The following ANOS1 variants were observed in gnomAD, a reference collection of about 807,000 sequenced individuals.
ANOS1 encodes the protein anosmin-1.
Under a neutral mutation model 59.0 loss-of-function variants are expected in ANOS1, and 6 were observed. The ratio of observed to expected loss-of-function variants is 0.10; its 90% CI spans 0.06 to 0.20. The LOEUF (loss-of-function observed/expected upper bound fraction) is 0.20, where lower values mean the gene tolerates loss of function less well. Ranked by LOEUF, ANOS1 falls within the 10% of genes least tolerant of loss-of-function variation. The pLI, the probability that ANOS1 is intolerant of heterozygous loss-of-function variation, is 1.00. For synonymous variants in ANOS1, 217 were observed against 223.4 expected (o/e 0.97, Z 0.25); for missense variants, 433 against 542.3 (o/e 0.80, Z 2.00).
At chrX:8,631,767 G>A (rs1031441192) in intron 2 of ANOS1, among the ~76,000 whole-genome samples, 1 of 111,525 alleles carries the variant, frequency 9.0e-6, no homozygotes, top group African/African-American at 3.3e-5. Flanking sequence ...TTTTAGAGAG[G>A]CAACGTATCA....
At chrX:8,699,877 C>G (rs890064774) in intron 1 of ANOS1, 132 bp from the exon 2 acceptor site, 4 of 411,719 alleles carry the variant, frequency 9.7e-6, no homozygotes, top group Non-Finnish European at 1.7e-5. Flanking sequence ...TCTTGCAAAA[C>G]CTGCTGTCCT....
In ANOS1 at chrX:8,544,255, T is replaced by G. The variant is rs367731619; in HGVS notation, c.1355-4497A>C. Among the ~76,000 whole-genome samples, 274 of 103,558 alleles carry G rather than the reference T, an allele frequency of 2.6e-3. 1 individual carries two copies. The highest frequency in any genetic ancestry group is 9.4e-3 in the African/African-American group (256 of 27,185). The allele number at this position is 103,558 out of a possible 115,157, so 89.9% of individuals were successfully genotyped here. On this transcript the variant is annotated intron_variant, in intron 9 of 13. Transcript: ENST00000262648. ...TCCTTGGGTTCTCCAGAATAATAAT[T>G]GCTTTAAAAAGAATTGTAAGTCACA...
chrX:8,698,685 A>C (rs1426501531), intron 2 of ANOS1, among the ~76,000 whole-genome samples: 1 of 111,798 alleles, frequency 8.9e-6, no homozygotes, highest in East Asian at 2.8e-4. Context: ...GTCAGAGATA[A>C]GCAAAGCTTA....
chrX:8,720,817 T>A (rs1173907544), intron 1 of ANOS1, among the ~76,000 whole-genome samples: 2 of 111,661 alleles, frequency 1.8e-5, no homozygotes, highest in Non-Finnish European at 3.8e-5. Context: ...TAGTCCCAGT[T>A]ACTCAGGAGG....
In ANOS1 at chrX:8,659,040, A is replaced by G. The variant is rs112083111; in HGVS notation, c.256-35370T>C. 9.0e-4 allele frequency among the ~76,000 whole-genome samples: 101 copies of G among 111,620 alleles called. 1 individual carries two copies. Among genetic ancestry groups the G allele is most frequent in the African/African-American group, 3.2e-3 (98 of 30,724 alleles). On this transcript the variant is annotated intron_variant, in intron 2 of 13. Transcript: ENST00000262648. ...GGAGTTTGAGACCAGTCTGGCCAAC[A>G]TAGTGAAACACTGTCTCTACTAAAA...
chrX:8,609,626 A>G (rs1271432130), intron 3 of ANOS1, among the ~76,000 whole-genome samples: 1 of 111,209 alleles, frequency 9.0e-6, no homozygotes, highest in African/African-American at 3.3e-5. Flanking sequence ...AATAACAGTA[A>G]TTTTGCCAGA....
intron 3 of ANOS1, among the ~76,000 whole-genome samples, chrX:8,612,326 G>A (rs934180923): frequency 1.8e-5 from 2 of 111,298 alleles, no homozygotes; most frequent in East Asian, 5.6e-4. Context: ...AACACAAAAT[G>A]TGGGTTTTAG....
rs757532758 is a variant in ANOS1, at chrX:8,682,354, C to CCACACACACACACACACACACACACA, written c.255+17343_255+17344insTGTGTGTGTGTGTGTGTGTGTGTGTG. Among the ~76,000 whole-genome samples, 511 of 101,597 alleles carry CCACACACACACACACACACACACACA rather than the reference C, an allele frequency of 5.0e-3. 5 individuals are homozygous for CCACACACACACACACACACACACACA. Among genetic ancestry groups the CCACACACACACACACACACACACACA allele is most frequent in the African/African-American group, 0.018 (493 of 27,291 alleles). 88.2% of individuals were successfully genotyped at this position (101,597 alleles called of 115,157 possible). A position where few individuals can be genotyped will look rare whatever the true frequency, so the allele number is the denominator to read the frequency against. ...CTTTTTTCGGAAAACGAGAATTTCA[C>CCACACACACACACACACACACACACA]CACACACACACACACACACACACAT... On this transcript the variant is annotated intron_variant, in intron 2 of 13. Transcript: ENST00000262648.
At chrX:8,715,846 C>T (rs1485570806) in intron 1 of ANOS1, among the ~76,000 whole-genome samples, 1 of 110,125 alleles carries the variant, frequency 9.1e-6, no homozygotes, top group East Asian at 2.9e-4. Context: ...ATCGTCCCTC[C>T]TCAGTCTCTC....
At position 8,532,188 on chromosome X, in the gene ANOS1, C is replaced by A. The variant is rs1429777043; in HGVS notation, c.*807G>T. ...ACAAAAGTGCACCAAAAGCTATTATCTGCATTGAGGAAAATAAGGGAAAAT... is the reference window on the plus strand; with the variant it reads ...ACAAAAGTGCACCAAAAGCTATTATATGCATTGAGGAAAATAAGGGAAAAT... On this transcript the variant is annotated 3_prime_UTR_variant, in exon 14 of 14. Coordinates refer to ENST00000262648, the MANE Select transcript of ANOS1 (RefSeq NM_000216.4). The A allele has an allele frequency of 3.6e-5, 4 of 111,874 alleles. No homozygotes were observed. The highest frequency in any genetic ancestry group is 5.6e-5 in the Non-Finnish European group (3 of 53,120). The allele number at this position is 111,874 out of a possible 1,213,427, so 9.2% of individuals were successfully genotyped here. A position where few individuals can be genotyped will look rare whatever the true frequency, so the allele number is the denominator to read the frequency against.
intron 3 of ANOS1, among the ~76,000 whole-genome samples, chrX:8,607,015 C>T (rs1227622067): frequency 1.8e-5 from 2 of 111,801 alleles, no homozygotes; most frequent in Middle Eastern, 4.6e-3. Flanking sequence ...GCTACTTGGA[C>T]AACTGAGGCA....
At chrX:8,645,433 A>G (rs888757868) in intron 2 of ANOS1, among the ~76,000 whole-genome samples, 3 of 111,789 alleles carry the variant, frequency 2.7e-5, no homozygotes, top group Non-Finnish European at 5.6e-5. Context: ...CAAAACACAC[A>G]CACCTTTCAG....
intron 4 of ANOS1, among the ~76,000 whole-genome samples, chrX:8,593,189 A>G (rs1419402301): frequency 8.9e-6 from 1 of 112,190 alleles, no homozygotes; most frequent in East Asian, 2.8e-4. Context: ...CCACTTAAAG[A>G]GTATTGTGAG....
chrX:8,628,064 A>G (rs752994408), intron 2 of ANOS1, among the ~76,000 whole-genome samples: 2 of 111,607 alleles, frequency 1.8e-5, no homozygotes, highest in South Asian at 7.6e-4. Flanking sequence ...AACAGGATGC[A>G]GTAAAGAAGT....
intron 2 of ANOS1, among the ~76,000 whole-genome samples, chrX:8,641,244 A>G (rs1260989345): frequency 8.9e-6 from 1 of 111,999 alleles, no homozygotes; most frequent in Non-Finnish European, 1.9e-5. Flanking sequence ...ACATGCATGC[A>G]CATACACACA....
At chrX:8,635,550 C>G (rs1931559068) in intron 2 of ANOS1, among the ~76,000 whole-genome samples, 1 of 111,426 alleles carries the variant, frequency 9.0e-6, no homozygotes, top group Non-Finnish European at 1.9e-5. Context: ...AAAAACTCAC[C>G]CTCAGTGGGA....
chrX:8,568,612 T>C (rs966832230), intron 7 of ANOS1, among the ~76,000 whole-genome samples: 2 of 110,247 alleles, frequency 1.8e-5, no homozygotes, highest in African/African-American at 6.6e-5. Flanking sequence ...GGTGGGAGGA[T>C]CGCTTGAGCC....
intron 9 of ANOS1, among the ~76,000 whole-genome samples, chrX:8,550,083 T>G (rs1179561776): frequency 8.9e-6 from 1 of 111,870 alleles, no homozygotes; most frequent in Non-Finnish European, 1.9e-5. Flanking sequence ...GATGATGGTT[T>G]TTGTAGAAAA....
intron 13 of ANOS1, among the ~76,000 whole-genome samples, 196 bp from the exon 14 acceptor site, chrX:8,533,249 C>T (rs1929529895): frequency 9.0e-6 from 1 of 111,661 alleles, no homozygotes; most frequent in African/African-American, 3.3e-5. Context: ...TCTTTGATGT[C>T]TTCCCAAACT....
Sources: gnomAD v4.1 joint callset for allele counts (sites outside exome capture counted in the v4.1 genomes callset) on GRCh38, gnomAD v4.1.1 for gene constraint, MANE v1.5 for transcripts, NCBI Gene and HGNC (gene_info 2026-07-23, HGNC 2026-07-21) for gene names.